RGS6: variants seen among roughly 807,000 people sequenced by gnomAD.
RGS6 encodes regulator of G-protein signaling 6.
A neutral mutation model predicts 78.5 loss-of-function variants in RGS6; 30 were observed. The ratio of observed to expected loss-of-function variants is 0.38; its 90% CI spans 0.29 to 0.52. The LOEUF (loss-of-function observed/expected upper bound fraction) is 0.52, where lower values mean the gene tolerates loss of function less well. Ranked by LOEUF, RGS6 falls within the 20% of genes least tolerant of loss-of-function variation. The pLI is 0.85. For synonymous variants in RGS6, 206 were observed against 206.0 expected, an observed-to-expected ratio of 1.00 and a Z score of 0.00; for missense variants, 495 against 609.7, an observed-to-expected ratio of 0.81 and a Z score of 1.98.
chr14:72,480,571 T>G (rs1006610856), intron 12 of RGS6, among the ~76,000 whole-genome samples: 1 of 152,034 alleles, frequency 6.6e-6, no homozygotes, highest in African/African-American at 2.4e-5. Context: ...ACACGAGGGT[T>G]TTTCATTAGA....
intron 2 of RGS6, among the ~76,000 whole-genome samples, chr14:72,092,683 C>T (rs1175327073): frequency 3.3e-5 from 5 of 152,180 alleles, no homozygotes; most frequent in African/African-American, 9.6e-5. Context: ...CGCCTGGCCT[C>T]AGCTCCCTTT....
intron 2 of RGS6, among the ~76,000 whole-genome samples, chr14:72,111,666 A>C (rs2095765666): frequency 6.6e-6 from 1 of 152,164 alleles, no homozygotes. Flanking sequence ...GGTTTTGACA[A>C]AATGCCTTTT....
At chr14:72,358,415 C>A (rs1344749240) in intron 3 of RGS6, among the ~76,000 whole-genome samples, 1 of 152,230 alleles carries the variant, frequency 6.6e-6, no homozygotes, top group Non-Finnish European at 1.5e-5. Context: ...GTGCAAGCAG[C>A]CAGGAAGGAG....
chr14:72,404,578 C>G (rs2092757603), intron 3 of RGS6, among the ~76,000 whole-genome samples: 1 of 152,208 alleles, frequency 6.6e-6, no homozygotes, highest in Non-Finnish European at 1.5e-5. Flanking sequence ...CTCTGTGTGG[C>G]CCCACAGGGC....
chr14:72,573,382 C>T, the RGS6 span, among the ~76,000 whole-genome samples: 360 of 152,266 alleles, frequency 2.4e-3, 4 homozygotes, highest in Admixed American at 0.02. Flanking sequence ...GCTGGTAACC[C>T]AGTTTATCTG....
At chr14:72,533,746 A>T (rs1473416009) in intron 15 of RGS6, among the ~76,000 whole-genome samples, 1 of 152,252 alleles carries the variant, frequency 6.6e-6, no homozygotes, top group African/African-American at 2.4e-5. Context: ...TGTGGTGGAA[A>T]TAGCAAGAGA....
At chr14:72,384,644 T>C (rs8017725) in intron 3 of RGS6, among the ~76,000 whole-genome samples, 83,099 of 152,060 alleles carry the variant, frequency 0.55, 25,185 homozygotes, top group African/African-American at 0.82. Context: ...TTCCGATCAG[T>C]TCCCCGAGTG....
At position 72,353,656 on chromosome 14, in the gene RGS6, G is replaced by A. The variant is rs976715461; in HGVS notation, c.184+1462G>A. 2.0e-5 allele frequency among the ~76,000 whole-genome samples: 3 copies of A among 152,056 alleles called. No individual in the cohort carries two copies. The East Asian group carries it at 5.8e-4, about 29-fold the overall frequency. ...TGAACAGTTCTGTATACTGATTATG[G>A]TGATGGTAACATGACTCTATACATA... On this transcript the variant is annotated intron_variant, in intron 3 of 17. Transcript: ENST00000553525.
chr14:72,199,349 G>A (rs537502886), intron 2 of RGS6, among the ~76,000 whole-genome samples: 1 of 152,334 alleles, frequency 6.6e-6, no homozygotes, highest in East Asian at 1.9e-4. Context: ...CAGAATTATA[G>A]AAGAGTTGTA....
intron 2 of RGS6, among the ~76,000 whole-genome samples, chr14:72,181,172 A>G (rs530297574): frequency 5.4e-4 from 82 of 152,238 alleles, no homozygotes; most frequent in Non-Finnish European, 9.0e-4. Flanking sequence ...AATTCACATC[A>G]GAGAAAGCTA....
intron 2 of RGS6, among the ~76,000 whole-genome samples, chr14:72,336,100 T>G (rs2075975254): frequency 6.6e-6 from 1 of 152,270 alleles, no homozygotes; most frequent in Non-Finnish European, 1.5e-5. Context: ...TTACAATTTT[T>G]CAGTTGACTT....
chr14:72,169,896 T>C (rs1226421433), intron 2 of RGS6, among the ~76,000 whole-genome samples: 1 of 152,132 alleles, frequency 6.6e-6, no homozygotes, highest in African/African-American at 2.4e-5. Flanking sequence ...CGAATCTGCA[T>C]TTTACCAAGA....
intron 2 of RGS6, among the ~76,000 whole-genome samples, chr14:72,226,499 T>C (rs2238228): frequency 0.098 from 14,880 of 152,282 alleles, 1,018 homozygotes; most frequent in East Asian, 0.32. Flanking sequence ...TGGCTTGATA[T>C]ATCTGGGGGC....
At chr14:72,334,871 A>AT (rs1356337697) in intron 2 of RGS6, among the ~76,000 whole-genome samples, 3 of 151,848 alleles carry the variant, frequency 2.0e-5, no homozygotes, top group Admixed American at 6.5e-5. Flanking sequence ...ACTGCTACCC[A>AT]CATGCTTCTA....
chr14:72,341,124 G>A (rs2076906257), intron 2 of RGS6, among the ~76,000 whole-genome samples: 1 of 152,138 alleles, frequency 6.6e-6, no homozygotes, highest in Non-Finnish European at 1.5e-5. Context: ...AAAGAAAAGA[G>A]GTTTAATTGA....
intron 1 of RGS6, among the ~76,000 whole-genome samples, chr14:71,960,267 A>G (rs1403423921): frequency 1.3e-5 from 2 of 152,132 alleles, no homozygotes; most frequent in Admixed American, 1.3e-4. Context: ...CCCTCACCAC[A>G]TATTCCTTCT....
chr14:72,518,014 A>G (rs1454861414), intron 14 of RGS6, among the ~76,000 whole-genome samples: 1 of 152,214 alleles, frequency 6.6e-6, no homozygotes, highest in African/African-American at 2.4e-5. Context: ...TAAACATCCT[A>G]CATTTCACAG....
chr14:71,887,342 C>T, the RGS6 span, among the ~76,000 whole-genome samples: 208 of 152,198 alleles, frequency 1.4e-3, no homozygotes, highest in African/African-American at 4.6e-3. Flanking sequence ...AGAATAACAG[C>T]GATTTTTAGG....
chr14:72,584,844 T>C, the RGS6 span, among the ~76,000 whole-genome samples: 415 of 152,110 alleles, frequency 2.7e-3, 1 homozygote, highest in African/African-American at 9.6e-3. Flanking sequence ...TTTTTGGAAG[T>C]TGGGGGGATT....
Sources: gnomAD v4.1 joint callset for allele counts (sites outside exome capture counted in the v4.1 genomes callset) on GRCh38, gnomAD v4.1.1 for gene constraint, MANE v1.5 for transcripts, NCBI Gene and HGNC (gene_info 2026-07-23, HGNC 2026-07-21) for gene names.